NFIB: variants seen among roughly 807,000 people sequenced by gnomAD.
NFIB encodes nuclear factor 1 B-type.
NFIB carries 11 observed loss-of-function variants against 61.5 expected under a neutral mutation model. That is an observed-to-expected ratio of 0.18 (90% CI 0.11 to 0.30). NFIB has a LOEUF of 0.30. NFIB is among the 10% of genes least tolerant of loss of function. The pLI, the probability that NFIB is intolerant of heterozygous loss-of-function variation, is 1.00. For missense variants in NFIB, 471 were observed against 608.9 expected, an observed-to-expected ratio of 0.77 and a Z score of 2.38; for synonymous variants, 260 against 216.5, an observed-to-expected ratio of 1.20 and a Z score of -1.76.
At chr9:14,302,960 TTTGG>T (rs751513671) in intron 2 of NFIB, among the ~76,000 whole-genome samples, 60 of 152,210 alleles carry the variant, frequency 3.9e-4, no homozygotes, top group Non-Finnish European at 1.3e-4. Context: ...ATTTTAGGCT[TTTGG>T]TTGATTTTCC....
upstream of NFIB, among the ~76,000 whole-genome samples, chr9:14,318,459 A>C (rs1025532909): frequency 7.5e-6 from 1 of 133,590 alleles, no homozygotes; most frequent in Non-Finnish European, 1.6e-5. Flanking sequence ...TTCATGAAAG[A>C]TTTCTTGGAA....
At chr9:14,514,309 T>TACACATACATACATACATACACAC in the NFIB span, among the ~76,000 whole-genome samples, 1 of 122,928 alleles carries the variant, frequency 8.1e-6, no homozygotes, top group South Asian at 2.4e-4. Flanking sequence ...AACACACACA[T>TACACATACATACATACATACACAC]ACACATACAT....
intron 1 of NFIB, among the ~76,000 whole-genome samples, chr9:14,348,549 C>G (rs1025777641): frequency 1.3e-5 from 2 of 152,224 alleles, no homozygotes; most frequent in Non-Finnish European, 2.9e-5. Flanking sequence ...CAGTTTAGCA[C>G]GGCACAGGCG....
chr9:14,530,023 C>T, the NFIB span, among the ~76,000 whole-genome samples: 1 of 152,142 alleles, frequency 6.6e-6, no homozygotes, highest in Non-Finnish European at 1.5e-5. Context: ...TAGTGATTGG[C>T]TTACTATACC....
At chr9:14,177,360 T>C (rs2046301247) in intron 3 of NFIB, among the ~76,000 whole-genome samples, 1 of 151,362 alleles carries the variant, frequency 6.6e-6, no homozygotes, top group African/African-American at 2.4e-5. Flanking sequence ...TAAGTTCTAG[T>C]TGTTCACATT....
At chr9:14,406,929 C>T in the NFIB span, among the ~76,000 whole-genome samples, 1 of 152,164 alleles carries the variant, frequency 6.6e-6, no homozygotes, top group Non-Finnish European at 1.5e-5. Context: ...GTGAGAAATA[C>T]ATATTGTTTT....
intron 2 of NFIB, among the ~76,000 whole-genome samples, chr9:14,230,552 C>G (rs373225593): frequency 1.6e-4 from 25 of 152,130 alleles, no homozygotes; most frequent in African/African-American, 5.8e-4. Context: ...TTTCAAGAAC[C>G]CAGAATAATT....
chr9:14,260,466 TTTCTA>T (rs1210623757), intron 2 of NFIB, among the ~76,000 whole-genome samples: 9 of 152,232 alleles, frequency 5.9e-5, no homozygotes, highest in Non-Finnish European at 1.2e-4. Context: ...CGTTTGTCAC[TTTCTA>T]AAGATTTACT....
the NFIB span, among the ~76,000 whole-genome samples, chr9:14,530,571 T>G: frequency 6.6e-6 from 1 of 152,104 alleles, no homozygotes; most frequent in Non-Finnish European, 1.5e-5. Context: ...GGACTCAGCT[T>G]CCAGGGAAGC....
chr9:14,421,828 T>A, the NFIB span, among the ~76,000 whole-genome samples: 1 of 152,244 alleles, frequency 6.6e-6, no homozygotes, highest in Non-Finnish European at 1.5e-5. Flanking sequence ...TTTTCATGAT[T>A]TATGATTGAG....
At chr9:14,196,642 T>C (rs940752309) in intron 2 of NFIB, among the ~76,000 whole-genome samples, 2 of 151,062 alleles carry the variant, frequency 1.3e-5, no homozygotes, top group African/African-American at 4.9e-5. Flanking sequence ...TGAAATCAGG[T>C]TGAAAGATTA....
At chr9:14,432,613 G>A in the NFIB span, among the ~76,000 whole-genome samples, 1 of 152,224 alleles carries the variant, frequency 6.6e-6, no homozygotes, top group South Asian at 2.1e-4. Context: ...CCAGGCAGCT[G>A]AGAAGGACTT....
Position 14,298,353 on chromosome 9 carries a change from G to A in NFIB, c.562+8636C>T, listed in dbSNP as rs367798377. 3.9e-5 allele frequency among the ~76,000 whole-genome samples: 6 copies of A among 152,052 alleles called. No individual in the cohort carries two copies. In the East Asian group the frequency reaches 7.7e-4, roughly 20 times the overall value. ...ATTATGACAATAAAATATTTTTATCGTAGCAGCTGAAAATGCTGAAAAGTA... is the reference window on the plus strand; with the variant it reads ...ATTATGACAATAAAATATTTTTATCATAGCAGCTGAAAATGCTGAAAAGTA... On this transcript the variant is annotated intron_variant, in intron 2 of 10. Transcript: ENST00000380953.
the NFIB span, among the ~76,000 whole-genome samples, chr9:14,506,007 G>A: frequency 6.6e-6 from 1 of 152,074 alleles, no homozygotes; most frequent in African/African-American, 2.4e-5. Context: ...ATAATACAAA[G>A]AGGTAATAAA....
At chr9:14,126,311 AAAG>A (rs2039638214) in intron 6 of NFIB, among the ~76,000 whole-genome samples, 1 of 152,264 alleles carries the variant, frequency 6.6e-6, no homozygotes, top group African/African-American at 2.4e-5. Context: ...TGAAGATGTC[AAAG>A]AAATTAAAAG....
chr9:14,515,054 T>A, the NFIB span, among the ~76,000 whole-genome samples: 3 of 152,180 alleles, frequency 2.0e-5, no homozygotes, highest in African/African-American at 7.2e-5. Context: ...ACTAAAAGGC[T>A]AGGCTCTGGG....
chr9:14,499,059 C>T, the NFIB span, among the ~76,000 whole-genome samples: 6 of 150,582 alleles, frequency 4.0e-5, no homozygotes, highest in African/African-American at 9.8e-5. Flanking sequence ...CGTGTGTGTG[C>T]GTGTGTGGGT....
intron 1 of NFIB, among the ~76,000 whole-genome samples, chr9:14,373,334 A>G (rs183717243): frequency 1.3e-5 from 2 of 152,316 alleles, no homozygotes; most frequent in East Asian, 3.9e-4. Context: ...TTATATGCAG[A>G]TGGGAGTATA....
rs78974003 is a variant in NFIB at position 14,086,914 on chromosome 9, G to A, written c.*1395C>T. ...ATTTTAAGAGACATAGAGGCAAAAT[G>A]TGTCTGCCCATGCACACTATGGATC... On this transcript the variant is annotated 3_prime_UTR_variant, in exon 11 of 11. Coordinates refer to ENST00000380953, the MANE Select transcript of NFIB (RefSeq NM_001190737.2). 0.011 allele frequency: 2,144 copies of A among 200,514 alleles called. 51 individuals are homozygous for A. Among genetic ancestry groups the A allele is most frequent in the African/African-American group, 0.046 (2,020 of 43,490 alleles). 12.4% of individuals were successfully genotyped at this position (200,514 alleles called of 1,614,324 possible). A position where few individuals can be genotyped will look rare whatever the true frequency, so the allele number is the denominator to read the frequency against.
Sources: gnomAD v4.1 joint callset for allele counts (sites outside exome capture counted in the v4.1 genomes callset) on GRCh38, gnomAD v4.1.1 for gene constraint, MANE v1.5 for transcripts, NCBI Gene and HGNC (gene_info 2026-07-23, HGNC 2026-07-21) for gene names.